Variants in PRLR observed in about 807,000 individuals in gnomAD.
The protein encoded by PRLR is prolactin receptor.
Under a neutral mutation model 40.2 loss-of-function variants are expected in PRLR, and 13 were observed. That is an observed-to-expected ratio of 0.32 (90% CI 0.21 to 0.51). The LOEUF (loss-of-function observed/expected upper bound fraction) is 0.51, where lower values mean the gene tolerates loss of function less well. Ranked by LOEUF, PRLR falls within the 20% of genes least tolerant of loss-of-function variation. The probability of loss-of-function intolerance (pLI) is 0.97; values close to 1 mark genes in which losing one functional copy is unlikely to be tolerated. For synonymous variants in PRLR, 269 were observed against 278.7 expected (o/e 0.97, Z 0.35); for missense variants, 656 against 747.3 (o/e 0.88, Z 1.42).
chr5:35,138,798 C>T (rs1468975267), intron 1 of PRLR, among the ~76,000 whole-genome samples: 2 of 152,140 alleles, frequency 1.3e-5, no homozygotes, highest in Non-Finnish European at 2.9e-5. Flanking sequence ...TATTTCAATG[C>T]ATCTAAGAAG....
intron 1 of PRLR, among the ~76,000 whole-genome samples, chr5:35,198,098 A>G (rs986037383): frequency 1.3e-5 from 2 of 152,242 alleles, no homozygotes; most frequent in African/African-American, 4.8e-5. Context: ...GCGACAGGGC[A>G]GCATCCTGGG....
chr5:35,164,054 T>C (rs146669826), intron 1 of PRLR, among the ~76,000 whole-genome samples: 22 of 152,364 alleles, frequency 1.4e-4, no homozygotes, highest in African/African-American at 5.1e-4. Context: ...GAGATAGAAC[T>C]AAATAAGTTT....
intron 2 of PRLR, among the ~76,000 whole-genome samples, chr5:35,100,280 T>A (rs1001946238): frequency 4.0e-5 from 6 of 151,832 alleles, no homozygotes; most frequent in Admixed American, 1.3e-4. Context: ...GAAAAAAATT[T>A]AAAAAAAATT....
intron 1 of PRLR, among the ~76,000 whole-genome samples, chr5:35,220,838 C>T (rs762769929): frequency 1.3e-4 from 20 of 152,252 alleles, no homozygotes; most frequent in Non-Finnish European, 2.6e-4. Flanking sequence ...ACCTTCTGTC[C>T]CCCAGCCTCT....
intron 2 of PRLR, among the ~76,000 whole-genome samples, chr5:35,113,214 C>A (rs980612036): frequency 3.5e-4 from 53 of 150,526 alleles, no homozygotes; most frequent in African/African-American, 1.3e-3. Context: ...ATCCATTAAC[C>A]TACCCACCCA....
intron 1 of PRLR, among the ~76,000 whole-genome samples, chr5:35,180,598 T>TA (rs1561351413): frequency 8.5e-5 from 13 of 152,112 alleles, no homozygotes; most frequent in Non-Finnish European, 1.5e-5. Context: ...CTTTTTTTTT[T>TA]ATTATACTTT....
At chr5:35,191,846 A>C (rs1173327925) in intron 1 of PRLR, among the ~76,000 whole-genome samples, 1 of 152,200 alleles carries the variant, frequency 6.6e-6, no homozygotes, top group African/African-American at 2.4e-5. Flanking sequence ...GATTTCAGCT[A>C]CTTGAATCCC....
At chr5:35,053,548 G>C (rs1768579739), downstream of PRLR, among the ~76,000 whole-genome samples, 1 of 152,192 alleles carries the variant, frequency 6.6e-6, no homozygotes, top group South Asian at 2.1e-4. Flanking sequence ...AGCTACTCGG[G>C]AGGCTGAGGC....
intron 1 of PRLR, among the ~76,000 whole-genome samples, chr5:35,220,702 G>A (rs1350780218): frequency 6.6e-6 from 1 of 152,096 alleles, no homozygotes; most frequent in African/African-American, 2.4e-5. Flanking sequence ...AGTGAATAAA[G>A]AAATTCTGAT....
At chr5:35,130,361 G>C (rs1005325284) in intron 1 of PRLR, 1 of 152,092 alleles carries the variant, frequency 6.6e-6, no homozygotes, top group African/African-American at 2.4e-5. Context: ...GGAGGGGTGG[G>C]GCAACCATAG....
chr5:35,195,799 G>A (rs112397848), intron 1 of PRLR: 18 of 152,312 alleles, frequency 1.2e-4, no homozygotes, highest in African/African-American at 3.8e-4. Context: ...TTCCTTGCTG[G>A]AAAATGCAAG....
At chr5:35,152,616 A>G (rs114092283) in intron 1 of PRLR, among the ~76,000 whole-genome samples, 149 of 152,352 alleles carry the variant, frequency 9.8e-4, no homozygotes, top group African/African-American at 3.5e-3. Context: ...TTGTCTAAGT[A>G]AGCTCTAGTT....
intron 5 of PRLR, among the ~76,000 whole-genome samples, chr5:35,078,776 T>C (rs953599896): frequency 3.3e-5 from 5 of 152,164 alleles, no homozygotes; most frequent in African/African-American, 1.2e-4. Flanking sequence ...TTTAGACCAA[T>C]ATCCCTGATG....
At chr5:35,177,347 C>T (rs111384132) in intron 1 of PRLR, among the ~76,000 whole-genome samples, 1,625 of 152,260 alleles carry the variant, frequency 0.011, 34 homozygotes, top group African/African-American at 0.038. Context: ...GGCAACCCAC[C>T]CCTACACAGT....
chr5:35,171,253 T>C (rs953637694), intron 1 of PRLR, among the ~76,000 whole-genome samples: 1 of 152,186 alleles, frequency 6.6e-6, no homozygotes, highest in Non-Finnish European at 1.5e-5. Flanking sequence ...CAGCAACCCT[T>C]GCTGCTATGT....
At chr5:35,139,690 T>C (rs1260314908) in intron 1 of PRLR, among the ~76,000 whole-genome samples, 1 of 152,194 alleles carries the variant, frequency 6.6e-6, no homozygotes, top group East Asian at 1.9e-4. Context: ...CTTTTATTAC[T>C]CCATAGAATA....
intron 4 of PRLR, 83 bp from the exon 5 acceptor site, chr5:35,084,722 C>T: frequency 7.6e-7 from 1 of 1,320,740 alleles, no homozygotes; most frequent in Non-Finnish European, 1.0e-6. Flanking sequence ...ATACCACTGG[C>T]CTTTGGGTAT....
chr5:35,138,813 CA>C (rs1438927303), intron 1 of PRLR, among the ~76,000 whole-genome samples: 2 of 152,064 alleles, frequency 1.3e-5, no homozygotes, highest in Non-Finnish European at 2.9e-5. Flanking sequence ...AAGAAGCTAT[CA>C]ATTGTTTTAT....
At chr5:35,158,024 G>A (rs573160010) in intron 1 of PRLR, among the ~76,000 whole-genome samples, 23 of 152,340 alleles carry the variant, frequency 1.5e-4, no homozygotes, top group Non-Finnish European at 3.1e-4. Context: ...TAGAGAACCT[G>A]TGGGTTGTGC....
Sources: gnomAD v4.1 joint callset for allele counts (sites outside exome capture counted in the v4.1 genomes callset) on GRCh38, gnomAD v4.1.1 for gene constraint, MANE v1.5 for transcripts, NCBI Gene and HGNC (gene_info 2026-07-23, HGNC 2026-07-21) for gene names.